ANTXR1: variants seen among roughly 807,000 people sequenced by gnomAD.
ANTXR1 encodes anthrax toxin receptor 1.
Under a neutral mutation model 78.1 loss-of-function variants are expected in ANTXR1, and 19 were observed. That is an observed-to-expected ratio of 0.24 (90% CI 0.17 to 0.36). ANTXR1 has a LOEUF of 0.36. ANTXR1 is among the 10% of genes least tolerant of loss of function. ANTXR1 has a pLI of 1.00. For synonymous variants in ANTXR1, 273 were observed against 260.5 expected (o/e 1.05, Z -0.46); for missense variants, 518 against 718.6 (o/e 0.72, Z 3.19).
intron 14 of ANTXR1, among the ~76,000 whole-genome samples, chr2:69,175,319 A>G (rs1474287887): frequency 6.6e-6 from 1 of 152,104 alleles, no homozygotes; most frequent in Non-Finnish European, 1.5e-5. Context: ...GCTTTAGAAT[A>G]TATCTGGGAG....
intron 1 of ANTXR1, among the ~76,000 whole-genome samples, chr2:69,037,970 A>C (rs1459984275): frequency 6.6e-6 from 1 of 152,132 alleles, no homozygotes; most frequent in Non-Finnish European, 1.5e-5. Flanking sequence ...GTGCTGCACC[A>C]TGAAACCACT....
At chr2:69,245,185 G>T (rs1411946740) in intron 17 of ANTXR1, 40 bp from the exon 18 acceptor site, 6 of 1,613,198 alleles carry the variant, frequency 3.7e-6, no homozygotes, top group African/African-American at 1.3e-5. Context: ...CTGATGTGAG[G>T]CCGTCCGCTC....
chr2:69,029,557 A>G (rs1468159933), intron 1 of ANTXR1, among the ~76,000 whole-genome samples: 1 of 150,806 alleles, frequency 6.6e-6, no homozygotes, highest in African/African-American at 2.5e-5. Context: ...ACATTCTTCC[A>G]ACAAAGAAAA....
chr2:69,202,907 C>T (rs964393453), intron 17 of ANTXR1, among the ~76,000 whole-genome samples: 2 of 152,174 alleles, frequency 1.3e-5, no homozygotes, highest in Non-Finnish European at 2.9e-5. Context: ...ATTTTCTTCC[C>T]TTCCTTCTCC....
At chr2:69,084,809 T>TGC (rs1396483846) in intron 8 of ANTXR1, among the ~76,000 whole-genome samples, 1 of 151,422 alleles carries the variant, frequency 6.6e-6, no homozygotes, top group Admixed American at 6.6e-5. Flanking sequence ...ACAATATGTG[T>TGC]GCCTATTAAA....
intron 17 of ANTXR1, among the ~76,000 whole-genome samples, chr2:69,212,611 C>A (rs529239460): frequency 3.3e-5 from 5 of 152,270 alleles, no homozygotes; most frequent in Admixed American, 6.5e-5. Flanking sequence ...GTATCCATTT[C>A]TTGGGGGTTT....
intron 17 of ANTXR1, among the ~76,000 whole-genome samples, chr2:69,208,960 T>C (rs779317418): frequency 2.0e-5 from 3 of 152,190 alleles, no homozygotes; most frequent in Non-Finnish European, 2.9e-5. Context: ...TGGAGTGCAG[T>C]GTCACTATCA....
chr2:69,082,714 C>G (rs1175246689), intron 8 of ANTXR1, among the ~76,000 whole-genome samples: 1 of 152,038 alleles, frequency 6.6e-6, no homozygotes, highest in Non-Finnish European at 1.5e-5. Flanking sequence ...CAGCTATCCC[C>G]ACTTGGTGTG....
chr2:69,218,708 A>G (rs1675239781), intron 17 of ANTXR1, among the ~76,000 whole-genome samples: 1 of 152,190 alleles, frequency 6.6e-6, no homozygotes, highest in African/African-American at 2.4e-5. Context: ...TCACACTGGG[A>G]ACAAAACCAT....
At chr2:69,102,977 G>A (rs577203325) in intron 10 of ANTXR1, 37 bp downstream of exon 10, 1 of 1,593,452 alleles carries the variant, frequency 6.3e-7, no homozygotes, top group Admixed American at 1.7e-5. Context: ...TCTTCGACAA[G>A]TGGCTTCAAG....
chr2:69,158,925 A>C (rs1233910257), intron 13 of ANTXR1, among the ~76,000 whole-genome samples: 2 of 152,228 alleles, frequency 1.3e-5, no homozygotes, highest in African/African-American at 4.8e-5. Flanking sequence ...AGGAGAAACT[A>C]GTCACAGAAA....
chr2:69,065,483 A>C (rs1160955215), intron 3 of ANTXR1, among the ~76,000 whole-genome samples: 3 of 152,046 alleles, frequency 2.0e-5, no homozygotes, highest in Non-Finnish European at 4.4e-5. Context: ...CTTACAGATA[A>C]TATCAGGAAA....
intron 1 of ANTXR1, among the ~76,000 whole-genome samples, chr2:69,039,015 C>A (rs930776296): frequency 6.6e-6 from 1 of 152,072 alleles, no homozygotes; most frequent in African/African-American, 2.4e-5. Flanking sequence ...AAATTGTAAA[C>A]GAGTGCATAA....
intron 17 of ANTXR1, among the ~76,000 whole-genome samples, chr2:69,234,286 G>A (rs1434888580): frequency 6.6e-6 from 1 of 152,206 alleles, no homozygotes; most frequent in African/African-American, 2.4e-5. Context: ...GTGAGAATCT[G>A]CCATATAAGG....
At chr2:69,039,267 C>T (rs1669542844) in intron 1 of ANTXR1, among the ~76,000 whole-genome samples, 1 of 152,146 alleles carries the variant, frequency 6.6e-6, no homozygotes, top group Non-Finnish European at 1.5e-5. Context: ...AAAATATAAG[C>T]TGACTGAAGC....
At chr2:69,231,207 C>A (rs369338948) in intron 17 of ANTXR1, among the ~76,000 whole-genome samples, 2 of 152,134 alleles carry the variant, frequency 1.3e-5, no homozygotes, top group Non-Finnish European at 2.9e-5. Flanking sequence ...TAATCTATAA[C>A]CTACATTTCA....
chr2:69,181,022 G>T (rs1190668491), intron 14 of ANTXR1, among the ~76,000 whole-genome samples: 1 of 152,174 alleles, frequency 6.6e-6, no homozygotes, highest in Non-Finnish European at 1.5e-5. Flanking sequence ...TCAGGAGGAG[G>T]GGGGCACATG....
At chr2:69,217,775 C>T (rs4600698) in intron 17 of ANTXR1, among the ~76,000 whole-genome samples, 7,965 of 149,488 alleles carry the variant, frequency 0.053, 551 homozygotes, top group African/African-American at 0.15. Context: ...TTCATAGGTA[C>T]CCAGTTCAAT....
Position 69,186,395 on chromosome 2 carries a change from A to G in ANTXR1, c.1353+3735A>G, listed in dbSNP as rs372356312. Among the ~76,000 whole-genome samples, 157 of 152,372 alleles carry G rather than the reference A, an allele frequency of 1.0e-3. 2 individuals are homozygous for G. Among genetic ancestry groups the G allele is most frequent in the African/African-American group, 3.4e-3 (143 of 41,588 alleles). ...CACAATGAGTCCCGTGCTAGCCACA[A>G]TGCCTAAGGACATTTGCTCAGCCTT... On this transcript the variant is annotated intron_variant, in intron 16 of 17. Coordinates refer to ENST00000303714, the MANE Select transcript of ANTXR1 (RefSeq NM_032208.3).
Sources: gnomAD v4.1 joint callset for allele counts (sites outside exome capture counted in the v4.1 genomes callset) on GRCh38, gnomAD v4.1.1 for gene constraint, MANE v1.5 for transcripts, NCBI Gene and HGNC (gene_info 2026-07-23, HGNC 2026-07-21) for gene names.